The following PAQR5 variants were observed in gnomAD, a reference collection of about 807,000 sequenced individuals.
PAQR5 encodes the protein membrane progestin receptor gamma.
PAQR5 carries 20 observed loss-of-function variants against 34.5 expected under a neutral mutation model. That is an observed-to-expected ratio of 0.58 (90% CI 0.41 to 0.84). The LOEUF is 0.84. Among genes scored for constraint, PAQR5 ranks in the 40% least tolerant of loss-of-function variants. PAQR5 has a pLI of 0.00. For synonymous variants in PAQR5, 131 were observed against 155.6 expected (o/e 0.84, Z 1.18); for missense variants, 378 against 412.7 (o/e 0.92, Z 0.73).
chr15:69,386,621 T>C (rs968399350), intron 5 of PAQR5, among the ~76,000 whole-genome samples: 1 of 136,940 alleles, frequency 7.3e-6, no homozygotes, highest in African/African-American at 2.6e-5. Flanking sequence ...TTACCCTCCA[T>C]GTCCCCCCTC....
chr15:69,339,376 G>A (rs564293640), intron 2 of PAQR5, among the ~76,000 whole-genome samples: 1 of 152,220 alleles, frequency 6.6e-6, no homozygotes, highest in East Asian at 1.9e-4. Flanking sequence ...ACATTAGGAG[G>A]GGCTTCTTGT....
chr15:69,365,063 TTTTA>T (rs1369670031), intron 3 of PAQR5, among the ~76,000 whole-genome samples: 1 of 1,436 alleles, frequency 7.0e-4, no homozygotes, highest in African/African-American at 7.6e-4. Context: ...TTTTATTTTA[TTTTA>T]TTTTATTTTA....
intron 3 of PAQR5, among the ~76,000 whole-genome samples, chr15:69,363,623 T>G (rs1400103812): frequency 7.3e-6 from 1 of 137,498 alleles, no homozygotes; most frequent in Non-Finnish European, 1.5e-5. Flanking sequence ...CATGACTCAC[T>G]GCAACCTCCG....
intron 1 of PAQR5, among the ~76,000 whole-genome samples, chr15:69,325,822 G>A (rs16953134): frequency 3.3e-5 from 5 of 152,002 alleles, no homozygotes; most frequent in East Asian, 1.9e-4. Context: ...CAGTTTCTAC[G>A]CACAGCCATC....
chr15:69,360,196 G>T lies in PAQR5; in HGVS notation c.51+65G>T. 4.8e-6 allele frequency: 6 copies of T among 1,254,048 alleles called. No individual in the cohort carries two copies. The South Asian group carries it at 7.2e-5, about 15-fold the overall frequency. 77.7% of individuals were successfully genotyped at this position (1,254,048 alleles called of 1,614,324 possible). On this transcript the variant is annotated intron_variant, in intron 3 of 8. Coordinates refer to ENST00000395407, the MANE Select transcript of PAQR5 (RefSeq NM_017705.4). Reference sequence around the variant, plus strand: ...GTGACCAGGGCTTGGCCTCCGCAATGGGGGGCTGTTGTCTTCACCTAGTCT... The same window carrying T: ...GTGACCAGGGCTTGGCCTCCGCAATTGGGGGCTGTTGTCTTCACCTAGTCT...
intron 8 of PAQR5, among the ~76,000 whole-genome samples, chr15:69,401,330 A>C (rs1412926934): frequency 6.6e-6 from 1 of 152,346 alleles, no homozygotes; most frequent in African/African-American, 2.4e-5. Context: ...TCTCACTAAA[A>C]GATGTGGCCA....
At chr15:69,314,072 G>A (rs2053888187) in intron 1 of PAQR5, among the ~76,000 whole-genome samples, 1 of 152,188 alleles carries the variant, frequency 6.6e-6, no homozygotes, top group East Asian at 1.9e-4. Flanking sequence ...CTGAAAGGGA[G>A]TGATAGGGAG....
chr15:69,387,909 A>ACC (rs11371334), intron 5 of PAQR5, among the ~76,000 whole-genome samples: 2 of 151,640 alleles, frequency 1.3e-5, no homozygotes, highest in African/African-American at 4.8e-5. Flanking sequence ...ACCTGGATAT[A>ACC]CCCCCACCAT....
chr15:69,300,633 CTTT>C (rs2053527646), intron 1 of PAQR5, among the ~76,000 whole-genome samples: 1 of 46,000 alleles, frequency 2.2e-5, no homozygotes, highest in African/African-American at 6.4e-5. Context: ...TTCTTTCTTT[CTTT>C]CTTTCTTTCT....
At position 69,330,215 on chromosome 15, in the gene PAQR5, T is replaced by G. The variant is rs2054348299; in HGVS notation, c.-276-7126T>G. ...TGTTAGTGAAACCACCTGTGCAAAATTATGACTGAGACCGTGAAAGAGATC... is the reference window on the plus strand; with the variant it reads ...TGTTAGTGAAACCACCTGTGCAAAAGTATGACTGAGACCGTGAAAGAGATC... On this transcript the variant is annotated intron_variant, in intron 1 of 8. Transcript: ENST00000395407. Among the ~76,000 whole-genome samples, 2 of 152,200 alleles carry G rather than the reference T, an allele frequency of 1.3e-5. 1 individual carries two copies. The highest frequency in any genetic ancestry group is 4.1e-4 in the South Asian group (2 of 4,830).
chr15:69,371,163 T>G (rs972519430), intron 3 of PAQR5, among the ~76,000 whole-genome samples: 1 of 152,220 alleles, frequency 6.6e-6, no homozygotes, highest in African/African-American at 2.4e-5. Flanking sequence ...GTTTCTTAAA[T>G]TAATTTCATT....
At chr15:69,363,130 G>T (rs2055285613) in intron 3 of PAQR5, among the ~76,000 whole-genome samples, 1 of 152,164 alleles carries the variant, frequency 6.6e-6, no homozygotes, top group African/African-American at 2.4e-5. Context: ...TGTGACCTGG[G>T]CCACTTCACT....
chr15:69,399,771 G>C (rs1256705683), intron 7 of PAQR5, among the ~76,000 whole-genome samples: 1 of 152,220 alleles, frequency 6.6e-6, no homozygotes, highest in Non-Finnish European at 1.5e-5. Context: ...CAGGATAGGA[G>C]CTCTGCTCAC....
intron 8 of PAQR5, 23 bp downstream of exon 8, chr15:69,400,138 G>A (rs2056577676): frequency 6.2e-7 from 1 of 1,603,456 alleles, no homozygotes; most frequent in African/African-American, 1.3e-5. Flanking sequence ...CAGCCCTGCT[G>A]CTCTGCTCAT....
intron 2 of PAQR5, among the ~76,000 whole-genome samples, chr15:69,341,575 T>C (rs2054645260): frequency 1.3e-5 from 2 of 152,140 alleles, no homozygotes; most frequent in Admixed American, 1.3e-4. Context: ...ATACCACATT[T>C]TGTTTATCCA....
rs370446872 is a variant in PAQR5 at position 69,309,210 on chromosome 15, C to A, written c.-277+10154C>A. 3.9e-5 allele frequency among the ~76,000 whole-genome samples: 6 copies of A among 152,184 alleles called. 1 individual carries two copies. The South Asian group carries it at 1.2e-3, about 32-fold the overall frequency. On this transcript the variant is annotated intron_variant, in intron 1 of 8. Coordinates refer to ENST00000395407, the MANE Select transcript of PAQR5 (RefSeq NM_017705.4). ...GTGGAGCATGGAGAGGAGGGCCTGGCAGGAAGCAGCAGGAGCTCCAACATT... is the reference window on the plus strand; with the variant it reads ...GTGGAGCATGGAGAGGAGGGCCTGGAAGGAAGCAGCAGGAGCTCCAACATT...
Position 69,384,520 on chromosome 15 carries a change from TGGTGGAGGGTGAGTGGGCCCTC to T in PAQR5, c.180-156_180-135del, listed in dbSNP as rs2056049847. Among the ~76,000 whole-genome samples the T allele has an allele frequency of 2.9e-4, 19 of 65,838 alleles. 4 individuals carry two copies. The highest frequency in any genetic ancestry group is 9.5e-4 in the Admixed American group (7 of 7,358). The allele number at this position is 65,838 out of a possible 152,430, so 43.2% of individuals were successfully genotyped here. A position where few individuals can be genotyped will look rare whatever the true frequency, so the allele number is the denominator to read the frequency against. On this transcript the variant is annotated intron_variant, in intron 4 of 8. Coordinates refer to ENST00000395407, the MANE Select transcript of PAQR5 (RefSeq NM_017705.4). ...AGGGTGAGTGGGCCCTCCGTGTTCA[TGGTGGAGGGTGAGTGGGCCCTC>T]CGTGTTCATCATGGAGGGTGAGCGG...
At chr15:69,339,175 C>CG (rs552641656) in intron 2 of PAQR5, among the ~76,000 whole-genome samples, 5 of 146,186 alleles carry the variant, frequency 3.4e-5, no homozygotes, top group Non-Finnish European at 4.6e-5. Flanking sequence ...GCTACACCCC[C>CG]CACCCCGCCA....
At chr15:69,402,373 A>G (rs55750429) in intron 8 of PAQR5, among the ~76,000 whole-genome samples, 7 of 150,410 alleles carry the variant, frequency 4.7e-5, no homozygotes, top group Non-Finnish European at 8.9e-5. Context: ...GCTGGAGTGC[A>G]GTGGCATGAT....
Sources: allele counts gnomAD v4.1 joint callset (sites outside exome capture counted in the v4.1 genomes callset), GRCh38; gene constraint gnomAD v4.1.1; transcripts MANE v1.5; gene names NCBI Gene and HGNC (gene_info 2026-07-23, HGNC 2026-07-21).